FBXL17: variants seen among roughly 807,000 people sequenced by gnomAD.
The protein encoded by FBXL17 is F-box/LRR-repeat protein 17.
In FBXL17, 22 loss-of-function variants were observed where a neutral mutation model predicts 66.2. The ratio of observed to expected loss-of-function variants is 0.33; its 90% CI spans 0.24 to 0.47. The LOEUF (loss-of-function observed/expected upper bound fraction) is 0.47. Among genes scored for constraint, FBXL17 ranks in the 20% least tolerant of loss-of-function variants. The pLI is 1.00. For synonymous variants in FBXL17, 474 were observed against 400.5 expected (o/e 1.18, Z -2.19); for missense variants, 878 against 948.2 (o/e 0.93, Z 0.97).
At position 108,381,292 on chromosome 5, in the gene FBXL17, C is replaced by A; in HGVS notation, c.400G>T (p.Ala134Ser). ...AAAAAAAAAS[A>S]SSPASCCKEL... ...TTGCAGCAGGAGGCGGGCGACGAAGCCGAGGCGGCAGCGGCGGCGGCGGCG... is the reference window on the plus strand; with the variant it reads ...TTGCAGCAGGAGGCGGGCGACGAAGACGAGGCGGCAGCGGCGGCGGCGGCG... The change falls in exon 1 of 9, where the codon GCT (alanine) becomes TCT (serine). Residue 134 changes from alanine to serine, a missense_variant. Physicochemically the swap from Ala to Ser is moderately conservative, Grantham distance 99. Transcript: ENST00000542267. The A allele has an allele frequency of 2.1e-6, 3 of 1,412,206 alleles. No individual in the cohort carries two copies. The highest frequency in any genetic ancestry group is 1.8e-6 in the Non-Finnish European group (2 of 1,087,628). The allele number at this position is 1,412,206 out of a possible 1,614,324, so 87.5% of individuals were successfully genotyped here.
intron 5 of FBXL17, among the ~76,000 whole-genome samples, chr5:108,194,686 G>T (rs934398956): frequency 6.6e-6 from 1 of 152,108 alleles, no homozygotes; most frequent in Non-Finnish European, 1.5e-5. Flanking sequence ...GAGTCTCTGA[G>T]GTAGCAGTTG....
intron 6 of FBXL17, among the ~76,000 whole-genome samples, chr5:108,170,501 T>C (rs1205335683): frequency 6.6e-6 from 1 of 152,208 alleles, no homozygotes; most frequent in Non-Finnish European, 1.5e-5. Flanking sequence ...CATTATTACA[T>C]ATATACCATA....
At chr5:107,981,727 AC>A (rs1334955211) in intron 7 of FBXL17, among the ~76,000 whole-genome samples, 4 of 152,334 alleles carry the variant, frequency 2.6e-5, no homozygotes, top group Non-Finnish European at 4.4e-5. Context: ...TAGAAAAAAA[AC>A]ATTCTCCTTG....
At chr5:108,275,180 A>C (rs1376766103) in intron 4 of FBXL17, among the ~76,000 whole-genome samples, 2 of 152,234 alleles carry the variant, frequency 1.3e-5, no homozygotes, top group Non-Finnish European at 2.9e-5. Flanking sequence ...CAACTTATAA[A>C]GTAGAGGATA....
chr5:108,066,249 T>C lies in FBXL17; in HGVS notation c.1746-45248A>G, dbSNP rs559125597. Among the ~76,000 whole-genome samples the C allele has an allele frequency of 3.3e-5, 5 of 152,276 alleles. No homozygotes were observed. In the South Asian group the frequency reaches 1.0e-3, roughly 32 times the overall value. ...AGCTAATTTGTACTGTTATTAACCA[T>C]GGCACTATGTTGGCTTAAAGAAAGG... On this transcript the variant is annotated intron_variant, in intron 6 of 8. Transcript: ENST00000542267.
At chr5:108,020,777 T>C in intron 7 of FBXL17, 148 bp downstream of exon 7, 3 of 557,610 alleles carry the variant, frequency 5.4e-6, no homozygotes, top group Non-Finnish European at 6.4e-6. Flanking sequence ...CATAATTTTT[T>C]TATTTTTATT....
In FBXL17 at chr5:108,224,122, T is replaced by C. The variant is rs745961637; in HGVS notation, c.1613A>G (p.Lys538Arg). Residue 538 changes from lysine (K) to arginine (R), a missense_variant and splice_region_variant, in exon 5 of 9, where the codon AAG becomes AGG. Physicochemically the swap from Lys to Arg is conservative, Grantham distance 26 (BLOSUM62 2). This residue lies in a region of FBXL17 where 236 missense variants were observed against 389.1 expected (regional missense o/e 0.61). Transcript: ENST00000542267. Reference protein sequence around the residue: ...VTSKGVIHLTKLRNLSSLDLR... With the variant: ...VTSKGVIHLTRLRNLSSLDLR... ...AGGAAAAGCAGCCATAGTACCTACC[T>C]TGGTTAGGTGAATGACTCCTTTAGA... 1.9e-6 allele frequency: 3 copies of C among 1,553,002 alleles called. No individual in the cohort carries two copies. The highest frequency in any genetic ancestry group is 2.7e-6 in the Non-Finnish European group (3 of 1,126,712).
At chr5:108,072,982 AT>A (rs1372575223) in intron 6 of FBXL17, among the ~76,000 whole-genome samples, 1 of 152,186 alleles carries the variant, frequency 6.6e-6, no homozygotes, top group Admixed American at 6.6e-5. Flanking sequence ...ATATATGCTT[AT>A]TTTTTGATAG....
At chr5:107,891,126 C>A (rs919847616) in intron 7 of FBXL17, among the ~76,000 whole-genome samples, 1 of 152,108 alleles carries the variant, frequency 6.6e-6, no homozygotes, top group South Asian at 2.1e-4. Context: ...TGACATTTGA[C>A]AAAAACCTGA....
In FBXL17 at chr5:108,381,941, G is replaced by T; in HGVS notation, c.-250C>A. 1.6e-6 allele frequency: 2 copies of T among 1,247,774 alleles called. No homozygotes were observed. Among genetic ancestry groups the T allele is most frequent in the Non-Finnish European group, 2.0e-6 (2 of 994,952 alleles). 77.3% of individuals were successfully genotyped at this position (1,247,774 alleles called of 1,614,324 possible). A position where few individuals can be genotyped will look rare whatever the true frequency, so the allele number is the denominator to read the frequency against. ...GGAGAACGATGGGCGCGAGCTTTGG[G>T]GACGCGAGGGAGGGAGCGAGCGAGC... On this transcript the variant is annotated 5_prime_UTR_variant, in exon 1 of 9. Transcript: ENST00000542267.
intron 6 of FBXL17, among the ~76,000 whole-genome samples, chr5:108,042,244 T>C (rs1747078135): frequency 6.6e-6 from 1 of 152,186 alleles, no homozygotes; most frequent in East Asian, 1.9e-4. Context: ...GATTCACATG[T>C]AGTTGAAAGA....
intron 4 of FBXL17, among the ~76,000 whole-genome samples, chr5:108,262,664 T>C (rs559684714): frequency 8.6e-5 from 13 of 151,808 alleles, no homozygotes; most frequent in African/African-American, 2.7e-4. Context: ...AATGAGACAA[T>C]ATACGAGAAG....
At chr5:107,958,122 C>T (rs914739553) in intron 7 of FBXL17, among the ~76,000 whole-genome samples, 4 of 142,960 alleles carry the variant, frequency 2.8e-5, no homozygotes, top group Non-Finnish European at 6.1e-5. Flanking sequence ...CTTTGGTACA[C>T]AGAAATGGAG....
At chr5:108,049,132 G>T (rs1260684246) in intron 6 of FBXL17, among the ~76,000 whole-genome samples, 6 of 151,962 alleles carry the variant, frequency 3.9e-5, no homozygotes, top group African/African-American at 1.4e-4. Context: ...AGAAGAGACT[G>T]GGGGCCAATA....
intron 6 of FBXL17, among the ~76,000 whole-genome samples, chr5:108,038,486 T>C (rs917971236): frequency 6.6e-6 from 1 of 152,144 alleles, no homozygotes; most frequent in African/African-American, 2.4e-5. Flanking sequence ...AGTTTCATTA[T>C]ATGATTCTAT....
At chr5:108,280,522 A>G (rs531237214) in intron 4 of FBXL17, among the ~76,000 whole-genome samples, 1 of 152,168 alleles carries the variant, frequency 6.6e-6, no homozygotes, top group Non-Finnish European at 1.5e-5. Flanking sequence ...TATAAAACTC[A>G]TTGGCAAAGT....
At chr5:108,156,135 T>A (rs2150001575) in intron 6 of FBXL17, among the ~76,000 whole-genome samples, 1 of 152,256 alleles carries the variant, frequency 6.6e-6, no homozygotes, top group East Asian at 1.9e-4. Flanking sequence ...GAATTATTCT[T>A]ATTTTTAATT....
At chr5:108,359,443 G>T (rs1251192635) in intron 3 of FBXL17, among the ~76,000 whole-genome samples, 1 of 151,972 alleles carries the variant, frequency 6.6e-6, no homozygotes, top group Non-Finnish European at 1.5e-5. Flanking sequence ...GCTATAAACT[G>T]CCCTCTGAGC....
intron 1 of FBXL17, among the ~76,000 whole-genome samples, chr5:108,371,024 T>C (rs7737277): frequency 3.3e-5 from 5 of 151,988 alleles, no homozygotes; most frequent in African/African-American, 7.3e-5. Context: ...TGTACAGAAA[T>C]GCACAGGAGG....
Sources: gnomAD v4.1 joint callset for allele counts (sites outside exome capture counted in the v4.1 genomes callset) on GRCh38, gnomAD v4.1.1 for gene constraint, gnomAD v4.1.1 regional missense constraint, MANE v1.5 for transcripts, NCBI Gene and HGNC (gene_info 2026-07-23, HGNC 2026-07-21) for gene names.